XRN1: variants seen among roughly 807,000 people sequenced by gnomAD.
The protein encoded by XRN1 is 5'-3' exoribonuclease 1.
Under a neutral mutation model 222.3 loss-of-function variants are expected in XRN1, and 67 were observed. The observed-to-expected ratio is 0.30, with a 90% CI of 0.25 to 0.37. The LOEUF (loss-of-function observed/expected upper bound fraction) is 0.37, where lower values mean the gene tolerates loss of function less well. Among genes scored for constraint, XRN1 ranks in the 10% least tolerant of loss-of-function variants. The pLI is 1.00. For missense variants in XRN1, 1,707 were observed against 2,000.2 expected (o/e 0.85, Z 2.80); for synonymous variants, 643 against 652.4 (o/e 0.99, Z 0.22).
chr3:142,352,994 G>A (rs368793518), intron 32 of XRN1, among the ~76,000 whole-genome samples: 8 of 152,180 alleles, frequency 5.3e-5, no homozygotes, highest in African/African-American at 1.9e-4. Context: ...AGCAAAACAT[G>A]TAGTAGGAAT....
At chr3:142,429,449 G>C (rs1472935219) in intron 2 of XRN1, among the ~76,000 whole-genome samples, 1 of 151,930 alleles carries the variant, frequency 6.6e-6, no homozygotes, top group Non-Finnish European at 1.5e-5. Context: ...CGCCCGGCCT[G>C]GATTTAGCCG....
At chr3:142,438,585 C>T (rs946066177) in intron 1 of XRN1, among the ~76,000 whole-genome samples, 3 of 152,068 alleles carry the variant, frequency 2.0e-5, no homozygotes, top group Admixed American at 6.5e-5. Context: ...CGTTCTCCCC[C>T]ACAAGGCAAA....
At chr3:142,415,255 A>G (rs867836767) in intron 13 of XRN1, among the ~76,000 whole-genome samples, 10 of 152,180 alleles carry the variant, frequency 6.6e-5, no homozygotes, top group South Asian at 6.2e-4. Context: ...AAAAATTTCA[A>G]TATGCTTCTA....
intron 10 of XRN1, 124 bp downstream of exon 10, chr3:142,420,892 C>A: frequency 8.1e-7 from 1 of 1,229,116 alleles, no homozygotes; most frequent in Non-Finnish European, 1.2e-6. Flanking sequence ...TCTGAAATGC[C>A]TATAGAGAGG....
At chr3:142,394,534 A>G (rs2067857678) in intron 20 of XRN1, among the ~76,000 whole-genome samples, 1 of 152,220 alleles carries the variant, frequency 6.6e-6, no homozygotes, top group Non-Finnish European at 1.5e-5. Flanking sequence ...AGCCATCCTC[A>G]ATAGCTAAAC....
intron 32 of XRN1, among the ~76,000 whole-genome samples, chr3:142,353,329 A>G (rs367628820): frequency 2.0e-5 from 3 of 152,350 alleles, no homozygotes; most frequent in East Asian, 1.9e-4. Context: ...TCATGATTAC[A>G]TGGAACCAGA....
intron 1 of XRN1, chr3:142,435,257 G>A (rs2069827613): frequency 6.6e-6 from 1 of 152,128 alleles, no homozygotes; most frequent in Non-Finnish European, 1.5e-5. Flanking sequence ...AATTAGCTGG[G>A]CTTGGTGGCA....
intron 33 of XRN1, among the ~76,000 whole-genome samples, chr3:142,335,724 C>T (rs141707637): frequency 4.6e-5 from 7 of 152,098 alleles, no homozygotes; most frequent in African/African-American, 1.4e-4. Context: ...AATTGGGCCT[C>T]GAAGGAGGTA....
chr3:142,447,770 G>C lies in XRN1; in HGVS notation c.75+100C>G, dbSNP rs2070591502. On this transcript the variant is annotated intron_variant, in intron 1 of 40. Coordinates refer to ENST00000392981, the MANE Select transcript of XRN1 (RefSeq NM_001282857.2). This position sits in a 1 kb window ranked among gnomAD's most constrained non-coding sequence, Gnocchi z 4.2. ...TAATGCCACTAATCGTCCAGACGAC[G>C]AGGGGAAAGAGGTGGCTCGAAAGCC... 7.4e-6 allele frequency: 10 copies of C among 1,348,830 alleles called. No individual in the cohort carries two copies. In the South Asian group the frequency reaches 1.1e-4, roughly 15 times the overall value. The allele number at this position is 1,348,830 out of a possible 1,614,324, so 83.6% of individuals were successfully genotyped here. A position where few individuals can be genotyped will look rare whatever the true frequency, so the allele number is the denominator to read the frequency against.
At chr3:142,349,414 T>C (rs1210510953) in intron 32 of XRN1, among the ~76,000 whole-genome samples, 4 of 152,158 alleles carry the variant, frequency 2.6e-5, no homozygotes, top group African/African-American at 9.7e-5. Flanking sequence ...GAGTGTCTTC[T>C]ATGTGCCAGG....
At position 142,312,675 on chromosome 3, in the gene XRN1, G is replaced by A. The variant is rs984881861; in HGVS notation, c.4705C>T (p.His1569Tyr). Reference protein sequence around the residue: ...SVPVPGKPFHHTLYSGTMPMA... With the variant: ...SVPVPGKPFHYTLYSGTMPMA... ...GGCATGGTCCCAGAATATAAAGTAT[G>A]ATGGAAGGGCTTCCCAGGAACTGGC... Residue 1569 changes from histidine (H) to tyrosine (Y), a missense_variant, in exon 40 of 41, where the codon CAT becomes TAT. Physicochemically the swap from His to Tyr is moderately conservative, Grantham distance 83. Transcript: ENST00000392981. 7 of 1,613,880 alleles carry A rather than the reference G, an allele frequency of 4.3e-6. No individual in the cohort carries two copies. The highest frequency in any genetic ancestry group is 5.9e-6 in the Non-Finnish European group (7 of 1,179,874).
At chr3:142,403,430 C>G in intron 18 of XRN1, among the ~76,000 whole-genome samples, 1 of 152,090 alleles carries the variant, frequency 6.6e-6, no homozygotes, top group East Asian at 1.9e-4. Flanking sequence ...CTATACTTAA[C>G]TTTTGGTTTA....
Position 142,403,950 on chromosome 3 carries a change from T to C in XRN1, c.1923A>G (p.Ile641Met), listed in dbSNP as rs767119892. The C allele has an allele frequency of 6.2e-7, 1 of 1,604,616 alleles. No individual in the cohort carries two copies. The highest frequency in any genetic ancestry group is 1.1e-5 in the South Asian group (1 of 90,786). The change falls in exon 17 of 41, where the codon ATA (isoleucine) becomes ATG (methionine). Residue 641 changes from isoleucine to methionine, a missense_variant. Ile to Met is a conservative substitution (Grantham distance 10). Transcript: ENST00000392981. ...CAATTCTGGTTATTTTGTTTTTGTT[T>C]ATGTCTACACGCCAAGCATCTAAGG... ...IISLDAWRVD[I>M]NKNKITRIDQ...
At chr3:142,412,745 C>G (rs571633088) in intron 14 of XRN1, 82 bp from the exon 15 acceptor site, 11 of 1,145,850 alleles carry the variant, frequency 9.6e-6, no homozygotes, top group Admixed American at 5.8e-5. Flanking sequence ...ATAATATTTC[C>G]TCATGTTAGT....
chr3:142,360,805 T>C (rs1577290221), intron 29 of XRN1, among the ~76,000 whole-genome samples: 1 of 137,526 alleles, frequency 7.3e-6, no homozygotes, highest in South Asian at 2.3e-4. Context: ...ACTCGGGAGG[T>C]GGAGCTTGCA....
chr3:142,310,803 C>A lies in XRN1; in HGVS notation c.*708G>T, dbSNP rs772860359. On this transcript the variant is annotated 3_prime_UTR_variant, in exon 41 of 41. Transcript: ENST00000392981. ...TTACTAATGCTGGTTCTTGAGTAAC[C>A]TAAAAAATTGTATTTACTCAAATTT... The A allele has an allele frequency of 6.6e-6, 1 of 152,430 alleles. No individual in the cohort carries two copies. The highest frequency in any genetic ancestry group is 2.4e-5 in the African/African-American group (1 of 41,380). The allele number at this position is 152,430 out of a possible 1,614,324, so 9.4% of individuals were successfully genotyped here.
chr3:142,329,642 C>T, intron 36 of XRN1, 27 bp from the exon 37 acceptor site: 1 of 1,518,700 alleles, frequency 6.6e-7, no homozygotes. Context: ...AAGAGTCTAT[C>T]TTTATTAATA....
At chr3:142,335,982 T>C (rs2065841874) in intron 33 of XRN1, among the ~76,000 whole-genome samples, 1 of 152,342 alleles carries the variant, frequency 6.6e-6, no homozygotes, top group East Asian at 1.9e-4. Context: ...AGAACTGTGC[T>C]TTAGGACGAT....
At chr3:142,327,136 T>C (rs551291342) in intron 37 of XRN1, among the ~76,000 whole-genome samples, 5 of 152,102 alleles carry the variant, frequency 3.3e-5, no homozygotes, top group Non-Finnish European at 7.4e-5. Context: ...AGTTTGGAAG[T>C]ATTTTCTCCT....
Sources: allele counts gnomAD v4.1 joint callset (sites outside exome capture counted in the v4.1 genomes callset), GRCh38; gene constraint gnomAD v4.1.1; non-coding constraint Gnocchi (gnomAD v3.1); transcripts MANE v1.5; gene names NCBI Gene and HGNC (gene_info 2026-07-23, HGNC 2026-07-21).